The following THSD4 variants were observed in gnomAD, a reference collection of about 807,000 sequenced individuals.
The protein encoded by THSD4 is thrombospondin type 1 domain containing 4.
THSD4 carries 69 observed loss-of-function variants against 119.0 expected under a neutral mutation model. That is an observed-to-expected ratio of 0.58 (90% CI 0.48 to 0.71). THSD4 has a LOEUF of 0.71. THSD4 is among the 30% of genes least tolerant of loss of function. The pLI is 0.00. For synonymous variants in THSD4, 524 were observed against 540.4 expected (o/e 0.97, Z 0.42); for missense variants, 1,393 against 1,391.1 (o/e 1.00, Z -0.02).
chr15:71,661,896 C>G (rs1202935198), intron 8 of THSD4, among the ~76,000 whole-genome samples: 1 of 152,128 alleles, frequency 6.6e-6, no homozygotes, highest in Non-Finnish European at 1.5e-5. Context: ...TTTGAATTCT[C>G]TCAACAGGGA....
At chr15:71,615,272 G>C (rs746730699) in intron 7 of THSD4, among the ~76,000 whole-genome samples, 39 of 152,160 alleles carry the variant, frequency 2.6e-4, no homozygotes, top group South Asian at 6.2e-4. Flanking sequence ...AGATAAACAG[G>C]GTCCCCTGGT....
intron 6 of THSD4, among the ~76,000 whole-genome samples, chr15:71,409,891 T>C (rs58806810): frequency 0.024 from 3,664 of 152,160 alleles, 164 homozygotes; most frequent in African/African-American, 0.084. Context: ...AAACAGTTTT[T>C]TTTTTTTTGT....
intron 6 of THSD4, among the ~76,000 whole-genome samples, chr15:71,264,052 C>G (rs182882505): frequency 6.6e-6 from 1 of 152,232 alleles, no homozygotes. Flanking sequence ...TCTGACTCCT[C>G]CACCAATCCA....
At chr15:71,648,465 T>C (rs1363282466) in intron 7 of THSD4, among the ~76,000 whole-genome samples, 2 of 152,356 alleles carry the variant, frequency 1.3e-5, no homozygotes, top group Non-Finnish European at 2.9e-5. Flanking sequence ...TTTTTAGGCT[T>C]TCCATAGCTG....
At chr15:71,683,673 A>G (rs778291993) in intron 8 of THSD4, among the ~76,000 whole-genome samples, 11 of 152,098 alleles carry the variant, frequency 7.2e-5, no homozygotes, top group Non-Finnish European at 7.4e-5. Context: ...AGGAGTAGAC[A>G]TGGTTAAAAT....
chr15:71,703,264 C>G (rs982356187), intron 8 of THSD4, among the ~76,000 whole-genome samples: 1 of 152,216 alleles, frequency 6.6e-6, no homozygotes, highest in Non-Finnish European at 1.5e-5. Context: ...CGTGAGCCAC[C>G]ACACTCGGCC....
At chr15:71,309,779 C>T (rs769823423) in intron 6 of THSD4, among the ~76,000 whole-genome samples, 7 of 152,086 alleles carry the variant, frequency 4.6e-5, no homozygotes, top group Non-Finnish European at 7.4e-5. Flanking sequence ...TCTTGTTGAC[C>T]GTATATGTAT....
Position 71,117,639 on chromosome 15 carries a change from C to T in THSD4, c.-80+1941C>T, listed in dbSNP as rs2040374349. Among the ~76,000 whole-genome samples, 4 of 152,210 alleles carry T rather than the reference C, an allele frequency of 2.6e-5. No individual in the cohort carries two copies. The South Asian group carries it at 8.3e-4, about 32-fold the overall frequency. On this transcript the variant is annotated intron_variant, in intron 1 of 17. Coordinates refer to ENST00000261862, the MANE Select transcript of THSD4 (RefSeq NM_024817.3). ...ATGTCCAAATTACAGTAATAATCTC[C>T]CCTCTTGACTCCCAGCCACGAGTTG...
chr15:71,359,342 A>G (rs12907830), intron 6 of THSD4, among the ~76,000 whole-genome samples: 6 of 152,310 alleles, frequency 3.9e-5, no homozygotes, highest in South Asian at 2.1e-4. Flanking sequence ...CTCTATTGAT[A>G]TAGTACCTTC....
intron 11 of THSD4, among the ~76,000 whole-genome samples, chr15:71,744,085 TTAA>T (rs2053286904): frequency 6.6e-6 from 1 of 151,732 alleles, no homozygotes; most frequent in African/African-American, 2.4e-5. Context: ...TAAACGTCCA[TTAA>T]TAATAGCTCA....
chr15:71,336,577 A>T (rs770790625), intron 6 of THSD4, among the ~76,000 whole-genome samples: 10 of 152,208 alleles, frequency 6.6e-5, no homozygotes, highest in Non-Finnish European at 1.5e-4. Context: ...GTTTGTTTTG[A>T]AGTACCACAT....
At chr15:71,210,062 G>T (rs915478914) in intron 3 of THSD4, among the ~76,000 whole-genome samples, 4 of 152,154 alleles carry the variant, frequency 2.6e-5, no homozygotes, top group Non-Finnish European at 5.9e-5. Context: ...AATACATTGG[G>T]TATAAAGTCA....
rs1403001889 is a variant in THSD4, at chr15:71,442,658, G to GTGTGTGTGTA, written c.1152+30838_1152+30839insGTGTGTATGT. ...TGTGTGTGTATATGTGTGTGTGTGT[G>GTGTGTGTGTA]TGTATATATATATATATATATATAT... On this transcript the variant is annotated intron_variant, in intron 7 of 17. Coordinates refer to ENST00000261862, the MANE Select transcript of THSD4 (RefSeq NM_024817.3). Among the ~76,000 whole-genome samples the GTGTGTGTGTA allele has an allele frequency of 7.9e-3, 246 of 31,272 alleles. 23 individuals are homozygous for GTGTGTGTGTA. Among genetic ancestry groups the GTGTGTGTGTA allele is most frequent in the Middle Eastern group, 0.024 (1 of 42 alleles). The allele number at this position is 31,272 out of a possible 152,430, so 20.5% of individuals were successfully genotyped here. A position where few individuals can be genotyped will look rare whatever the true frequency, so the allele number is the denominator to read the frequency against.
At chr15:71,599,480 C>T (rs1269315509) in intron 7 of THSD4, among the ~76,000 whole-genome samples, 1 of 152,162 alleles carries the variant, frequency 6.6e-6, no homozygotes, top group Non-Finnish European at 1.5e-5. Flanking sequence ...ATTTAAGGTT[C>T]AAACCCAGGC....
chr15:71,450,614 T>A (rs2047249783), intron 7 of THSD4, among the ~76,000 whole-genome samples: 1 of 152,070 alleles, frequency 6.6e-6, no homozygotes. Context: ...CAAATTGGAG[T>A]CTGTGGAGGT....
At chr15:71,231,416 C>CA in intron 4 of THSD4, among the ~76,000 whole-genome samples, 1 of 151,974 alleles carries the variant, frequency 6.6e-6, no homozygotes, top group Non-Finnish European at 1.5e-5. Flanking sequence ...CTTCCTGGTG[C>CA]AAAAAAAGCC....
At chr15:71,405,848 T>C (rs991728113) in intron 6 of THSD4, among the ~76,000 whole-genome samples, 3 of 152,256 alleles carry the variant, frequency 2.0e-5, no homozygotes, top group African/African-American at 7.2e-5. Context: ...TTTCAATGAA[T>C]AAATCTTCTT....
intron 7 of THSD4, among the ~76,000 whole-genome samples, chr15:71,514,954 T>C (rs573820179): frequency 2.1e-4 from 32 of 152,352 alleles, no homozygotes; most frequent in Non-Finnish European, 3.7e-4. Flanking sequence ...TTTCCAGTTT[T>C]TAGTTACTAC....
At chr15:71,373,697 C>A (rs904975584) in intron 6 of THSD4, among the ~76,000 whole-genome samples, 2 of 152,172 alleles carry the variant, frequency 1.3e-5, no homozygotes, top group Non-Finnish European at 2.9e-5. Flanking sequence ...AATTGCCTCT[C>A]CATGAGCTAC....
Sources: allele counts gnomAD v4.1 joint callset (sites outside exome capture counted in the v4.1 genomes callset), GRCh38; gene constraint gnomAD v4.1.1; transcripts MANE v1.5; gene names NCBI Gene and HGNC (gene_info 2026-07-23, HGNC 2026-07-21).